Variants in CHID1 observed in about 807,000 individuals in gnomAD.
CHID1 encodes chitinase domain-containing protein 1.
In CHID1, 44 loss-of-function variants were observed where a neutral mutation model predicts 55.4. The observed-to-expected ratio is 0.79, with a 90% CI of 0.62 to 1.02. The LOEUF is 1.02. Ranked by LOEUF, CHID1 falls within the 50% of genes least tolerant of loss-of-function variation. The pLI, the probability that CHID1 is intolerant of heterozygous loss-of-function variation, is 0.00. For missense variants in CHID1, 491 were observed against 515.3 expected (o/e 0.95, Z 0.46); for synonymous variants, 216 against 212.9 (o/e 1.01, Z -0.13).
At chr11:885,590 C>T (rs548114459) in intron 8 of CHID1, among the ~76,000 whole-genome samples, 1 of 152,310 alleles carries the variant, frequency 6.6e-6, no homozygotes, top group South Asian at 2.1e-4. Context: ...TGGCCTCCCT[C>T]AGTGCCTGGG....
At chr11:881,276 C>G (rs545877282) in intron 10 of CHID1, among the ~76,000 whole-genome samples, 1 of 151,902 alleles carries the variant, frequency 6.6e-6, no homozygotes, top group South Asian at 2.1e-4. Flanking sequence ...AGACCCCCAT[C>G]TCATAAAAAA....
chr11:897,397 C>G (rs962960506), intron 7 of CHID1, among the ~76,000 whole-genome samples: 11 of 152,180 alleles, frequency 7.2e-5, no homozygotes, highest in African/African-American at 2.4e-4. Context: ...GTTAATAGAC[C>G]CACTCTCCCA....
In CHID1 at chr11:883,206, A is replaced by G. The variant is rs1850135486; in HGVS notation, c.901T>C (p.Phe301Leu). 1.9e-6 allele frequency: 3 copies of G among 1,614,158 alleles called. No individual in the cohort carries two copies. Among genetic ancestry groups the G allele is most frequent in the South Asian group, 2.2e-5 (2 of 91,090 alleles). ...GAGGTCGCGTAGTCCATACCATAGA[A>G]GTTGAGCCCCAGGAGGATTTTGCTT... is the stretch of plus-strand genomic sequence containing the variant. ...WRSKILLGLN[F>L]YGMDYATSKD... is the part of the protein sequence containing the mutation. Residue 301 changes from phenylalanine to leucine, a missense_variant, in exon 10 of 13, where the codon TTC (phenylalanine) becomes CTC (leucine). Physicochemically the swap from Phe to Leu is conservative, Grantham distance 22. Coordinates refer to ENST00000323578, the MANE Select transcript of CHID1 (RefSeq NM_023947.4).
At chr11:896,743 C>T (rs1851335370) in intron 7 of CHID1, among the ~76,000 whole-genome samples, 1 of 142,130 alleles carries the variant, frequency 7.0e-6, no homozygotes, top group South Asian at 2.4e-4. Context: ...TGTCTCAGCA[C>T]CCCTAGCCTC....
intron 7 of CHID1, among the ~76,000 whole-genome samples, chr11:896,158 C>A (rs1482849706): frequency 2.7e-5 from 4 of 148,226 alleles, no homozygotes; most frequent in Admixed American, 2.0e-4. Flanking sequence ...TGTCTCAGCA[C>A]CCCCAGCCTC....
At position 869,527 on chromosome 11, in the gene CHID1, C is replaced by T. The variant is rs1223586827; in HGVS notation, c.*331G>A. 8 of 428,736 alleles carry T rather than the reference C, an allele frequency of 1.9e-5. No homozygotes were observed. Among genetic ancestry groups the T allele is most frequent in the Non-Finnish European group, 4.3e-6 (1 of 234,484 alleles). 26.6% of individuals were successfully genotyped at this position (428,736 alleles called of 1,614,324 possible). A position where few individuals can be genotyped will look rare whatever the true frequency, so the allele number is the denominator to read the frequency against. ...CCAGAGCTTCCAAACCCACATCCAG[C>T]CCAGGATGTGAGAAGCAGCCCAGAA... On this transcript the variant is annotated 3_prime_UTR_variant, in exon 13 of 13. Transcript: ENST00000323578.
At chr11:879,667 T>C (rs1457335235) in intron 10 of CHID1, among the ~76,000 whole-genome samples, 2 of 152,238 alleles carry the variant, frequency 1.3e-5, no homozygotes, top group Non-Finnish European at 2.9e-5. Flanking sequence ...TCTATGGTAC[T>C]TTGTTACCCT....
At chr11:907,039 GA>G (rs1479822597) in intron 1 of CHID1, among the ~76,000 whole-genome samples, 1 of 151,988 alleles carries the variant, frequency 6.6e-6, no homozygotes, top group Non-Finnish European at 1.5e-5. Flanking sequence ...CAAAAACAAA[GA>G]AACAAAACAA....
chr11:893,830 G>A (rs1353977727), intron 7 of CHID1, among the ~76,000 whole-genome samples: 8 of 151,598 alleles, frequency 5.3e-5, no homozygotes, highest in Non-Finnish European at 1.2e-4. Flanking sequence ...CTAAAGACAT[G>A]GCAGATTAAA....
At chr11:892,843 G>A (rs1850945380) in intron 8 of CHID1, among the ~76,000 whole-genome samples, 2 of 152,250 alleles carry the variant, frequency 1.3e-5, no homozygotes, top group African/African-American at 4.8e-5. Flanking sequence ...TTAGCCAGGG[G>A]TGCTACCCTG....
At chr11:870,626 TG>T in intron 10 of CHID1, 127 bp from the exon 11 acceptor site, 1 of 675,304 alleles carries the variant, frequency 1.5e-6, no homozygotes. Flanking sequence ...CCCAGTGGTC[TG>T]GGGGACAACA....
In CHID1 at chr11:883,443, C is replaced by G; in HGVS notation, c.804-140G>C. On this transcript the variant is annotated intron_variant, in intron 9 of 12. Transcript: ENST00000323578. ...GAGAGTTGTAAAGAACAGAAGTCAC[C>G]CATCAGAAAGGGCTGTCAGCAGAGC... is the stretch of plus-strand genomic sequence containing the variant. The G allele has an allele frequency of 6.5e-6, 6 of 917,102 alleles. 1 individual carries two copies. The South Asian group carries it at 1.0e-4, about 15-fold the overall frequency. 56.8% of individuals were successfully genotyped at this position (917,102 alleles called of 1,614,324 possible).
chr11:913,176 A>G (rs538691200), upstream of CHID1, among the ~76,000 whole-genome samples: 2 of 150,358 alleles, frequency 1.3e-5, no homozygotes, highest in African/African-American at 4.9e-5. Context: ...TCACAATGAA[A>G]TAAGGTTTCA....
At chr11:891,549 G>A (rs1004252377) in intron 8 of CHID1, among the ~76,000 whole-genome samples, 1 of 152,186 alleles carries the variant, frequency 6.6e-6, no homozygotes, top group African/African-American at 2.4e-5. Flanking sequence ...GAACTGCCCT[G>A]GGCTCCTGAG....
intron 11 of CHID1, 95 bp downstream of exon 11, chr11:870,324 G>A (rs769576633): frequency 7.4e-7 from 1 of 1,348,270 alleles, no homozygotes; most frequent in Non-Finnish European, 1.0e-6. Context: ...TCGTGACCCT[G>A]AGACCCCCTG....
rs552595288 is a variant in CHID1 at position 868,087 on chromosome 11, C to T, written c.*1771G>A. 7 of 152,292 alleles carry T rather than the reference C, an allele frequency of 4.6e-5. No homozygotes were observed. The East Asian group carries it at 1.2e-3, about 25-fold the overall frequency. 9.4% of individuals were successfully genotyped at this position (152,292 alleles called of 1,614,324 possible). On this transcript the variant is annotated 3_prime_UTR_variant, in exon 13 of 13. Transcript: ENST00000323578. Reference sequence around the variant, plus strand: ...GACATCCCATCCTGTGTGGCATCCCCACCCCTGCCTCCACCCAATGCTGAT... The same window carrying T: ...GACATCCCATCCTGTGTGGCATCCCTACCCCTGCCTCCACCCAATGCTGAT...
upstream of CHID1, among the ~76,000 whole-genome samples, chr11:914,003 G>C (rs763570441): frequency 1.2e-3 from 184 of 151,718 alleles, 1 homozygote; most frequent in Non-Finnish European, 2.3e-3. Context: ...GGGAGGCGGA[G>C]GTTGCAATGA....
intron 10 of CHID1, among the ~76,000 whole-genome samples, chr11:874,511 A>G (rs1295859617): frequency 6.6e-6 from 1 of 152,138 alleles, no homozygotes; most frequent in Non-Finnish European, 1.5e-5. Context: ...CTGGAATGCA[A>G]TGGTGTGATC....
At chr11:910,997 C>T (rs1003618153), upstream of CHID1, 19 of 170,868 alleles carry the variant, frequency 1.1e-4, no homozygotes, top group Non-Finnish European at 1.6e-4. Flanking sequence ...ACCCCGGGCC[C>T]GGCGCGTTCA....
Sources: allele counts gnomAD v4.1 joint callset (sites outside exome capture counted in the v4.1 genomes callset), GRCh38; gene constraint gnomAD v4.1.1; transcripts MANE v1.5; gene names NCBI Gene and HGNC (gene_info 2026-07-23, HGNC 2026-07-21).